C1orf87: variants seen among roughly 807,000 people sequenced by gnomAD.
C1orf87 encodes the protein uncharacterized protein C1orf87.
A neutral mutation model predicts 60.5 loss-of-function variants in C1orf87; 58 were observed. The ratio of observed to expected loss-of-function variants is 0.96; its 90% CI spans 0.78 to 1.19. The LOEUF is 1.19. Among genes scored for constraint, C1orf87 ranks in the 50% most tolerant of loss-of-function variants. C1orf87 has a pLI of 0.00. For missense variants in C1orf87, 673 were observed against 638.6 expected (o/e 1.05, Z -0.58); for synonymous variants, 236 against 227.4 (o/e 1.04, Z -0.34).
chr1:60,038,937 G>A (rs1645297854), intron 5 of C1orf87, among the ~76,000 whole-genome samples: 1 of 152,120 alleles, frequency 6.6e-6, no homozygotes, highest in Non-Finnish European at 1.5e-5. Context: ...ATAGAAACTA[G>A]GTCTCAGGCC....
At chr1:60,065,339 C>T (rs141802192) in intron 2 of C1orf87, among the ~76,000 whole-genome samples, 265 of 151,726 alleles carry the variant, frequency 1.7e-3, no homozygotes, top group Middle Eastern at 6.8e-3. Flanking sequence ...TAGAGCCATA[C>T]GCACACGGAG....
chr1:59,995,303 A>G (rs1313783408), intron 11 of C1orf87, among the ~76,000 whole-genome samples: 2 of 152,166 alleles, frequency 1.3e-5, no homozygotes, highest in African/African-American at 4.8e-5. Context: ...TGTTGTGAAT[A>G]CCCAGACTCA....
chr1:60,068,522 G>T (rs1204344470), intron 2 of C1orf87, among the ~76,000 whole-genome samples: 1 of 152,126 alleles, frequency 6.6e-6, no homozygotes, highest in Non-Finnish European at 1.5e-5. Context: ...CTTTGTTGGT[G>T]TATCACCTAT....
intron 2 of C1orf87, among the ~76,000 whole-genome samples, chr1:60,056,170 G>A (rs1461854647): frequency 1.3e-5 from 2 of 152,118 alleles, no homozygotes; most frequent in Non-Finnish European, 2.9e-5. Context: ...CTTGAACCCA[G>A]GAGGTGGAGG....
intron 8 of C1orf87, among the ~76,000 whole-genome samples, chr1:60,018,526 A>T (rs1645138891): frequency 6.6e-6 from 1 of 151,946 alleles, no homozygotes; most frequent in African/African-American, 2.4e-5. Flanking sequence ...TCAATTTTTA[A>T]TCAACAAATA....
chr1:60,050,422 C>T lies in C1orf87; in HGVS notation c.342+4782G>A, dbSNP rs188274909. On this transcript the variant is annotated intron_variant, in intron 3 of 11. Coordinates refer to ENST00000371201, the MANE Select transcript of C1orf87 (RefSeq NM_152377.3). ...CATTTATTTGCTATAGTAAATGGTG[C>T]CTTTTCCTCCATTTTATCTTCTAAC... is the stretch of plus-strand genomic sequence containing the variant. Among the ~76,000 whole-genome samples the T allele has an allele frequency of 7.4e-4, 111 of 150,872 alleles. 1 individual carries two copies. The highest frequency in any genetic ancestry group is 3.6e-3 in the South Asian group (17 of 4,744).
chr1:60,063,889 T>C (rs1423760759), intron 2 of C1orf87, among the ~76,000 whole-genome samples: 1 of 152,040 alleles, frequency 6.6e-6, no homozygotes, highest in African/African-American at 2.4e-5. Flanking sequence ...CTCGATAGGA[T>C]TGACGGATGC....
At chr1:60,013,407 T>C (rs1404646287) in intron 8 of C1orf87, among the ~76,000 whole-genome samples, 3 of 152,056 alleles carry the variant, frequency 2.0e-5, no homozygotes, top group Admixed American at 1.3e-4. Context: ...ATGAAAGTTT[T>C]AGTTTTCTTG....
chr1:60,016,605 T>C lies in C1orf87; in HGVS notation c.1128-6149A>G, dbSNP rs574486521. Among the ~76,000 whole-genome samples, 226 of 152,310 alleles carry C rather than the reference T, an allele frequency of 1.5e-3. 4 individuals carry two copies. The highest frequency in any genetic ancestry group is 8.8e-5 in the Non-Finnish European group (6 of 68,026). ...AAAATTAAGGTTAAGAGAAATTTGTTACTTATCCAGGCTCCAAACCTAGTG... is the reference window on the plus strand; with the variant it reads ...AAAATTAAGGTTAAGAGAAATTTGTCACTTATCCAGGCTCCAAACCTAGTG... On this transcript the variant is annotated intron_variant, in intron 8 of 11. Transcript: ENST00000371201.
At chr1:60,002,894 A>C (rs1391399379) in intron 9 of C1orf87, among the ~76,000 whole-genome samples, 1 of 150,462 alleles carries the variant, frequency 6.6e-6, no homozygotes, top group African/African-American at 2.4e-5. Flanking sequence ...TAGTTCAACC[A>C]TTGTGGAAGT....
At chr1:60,003,766 C>A (rs1005312260) in intron 9 of C1orf87, among the ~76,000 whole-genome samples, 1 of 152,036 alleles carries the variant, frequency 6.6e-6, no homozygotes, top group Non-Finnish European at 1.5e-5. Context: ...AAATAAATGA[C>A]CATGTGTTCT....
chr1:60,027,687 T>G (rs1346687235), intron 7 of C1orf87, among the ~76,000 whole-genome samples: 1 of 151,656 alleles, frequency 6.6e-6, no homozygotes, highest in Non-Finnish European at 1.5e-5. Context: ...TTCCTGTGTA[T>G]AGAGGAGAAA....
intron 2 of C1orf87, among the ~76,000 whole-genome samples, chr1:60,060,167 AT>A (rs1476268689): frequency 8.6e-5 from 13 of 151,942 alleles, no homozygotes; most frequent in Admixed American, 2.6e-4. Context: ...GATCAAAAAA[AT>A]ATGTTCATTC....
At chr1:60,064,630 A>ATT (rs1491175445) in intron 2 of C1orf87, among the ~76,000 whole-genome samples, 2 of 35,502 alleles carry the variant, frequency 5.6e-5, no homozygotes, top group Non-Finnish European at 1.2e-4. Flanking sequence ...TCATATATAT[A>ATT]AATATATATG....
intron 9 of C1orf87, 98 bp downstream of exon 9, chr1:60,010,294 G>T: frequency 1.8e-6 from 2 of 1,104,248 alleles, no homozygotes; most frequent in Non-Finnish European, 2.7e-6. Flanking sequence ...GAAATGAGAT[G>T]AAACCCAACA....
intron 3 of C1orf87, among the ~76,000 whole-genome samples, chr1:60,044,120 C>T (rs1347909455): frequency 6.6e-6 from 1 of 152,180 alleles, no homozygotes. Context: ...AGCTCTGCCT[C>T]CCAGATTCAC....
chr1:60,049,312 T>C (rs1296850228), intron 3 of C1orf87, among the ~76,000 whole-genome samples: 1 of 152,246 alleles, frequency 6.6e-6, no homozygotes, highest in South Asian at 2.1e-4. Flanking sequence ...AATGAGAAAT[T>C]ATATCTCAGG....
At chr1:60,013,193 A>C (rs1327324053) in intron 8 of C1orf87, among the ~76,000 whole-genome samples, 2 of 152,050 alleles carry the variant, frequency 1.3e-5, no homozygotes, top group African/African-American at 4.8e-5. Context: ...AAGTTTCTTT[A>C]GTTGGGACTT....
intron 8 of C1orf87, among the ~76,000 whole-genome samples, chr1:60,015,815 G>A (rs1645120736): frequency 6.6e-6 from 1 of 152,128 alleles, no homozygotes; most frequent in Admixed American, 6.5e-5. Context: ...GCAGTGGCAC[G>A]ATCTCAGCTC....
Sources: gnomAD v4.1 joint callset for allele counts (sites outside exome capture counted in the v4.1 genomes callset) on GRCh38, gnomAD v4.1.1 for gene constraint, MANE v1.5 for transcripts, NCBI Gene and HGNC (gene_info 2026-07-23, HGNC 2026-07-21) for gene names.